The following SPTBN1 variants were observed in gnomAD, a reference collection of about 807,000 sequenced individuals.
SPTBN1 encodes the protein spectrin beta, non-erythrocytic 1.
A neutral mutation model predicts 266.4 loss-of-function variants in SPTBN1; 32 were observed. The ratio of observed to expected loss-of-function variants is 0.12; its 90% confidence interval spans 0.09 to 0.16. SPTBN1 has a LOEUF of 0.16. Among genes scored for constraint, SPTBN1 ranks in the 10% least tolerant of loss-of-function variants. The probability of loss-of-function intolerance (pLI) is 1.00; values close to 1 mark genes in which losing one functional copy is unlikely to be tolerated. For missense variants in SPTBN1, 2,296 were observed against 3,067.1 expected (o/e 0.75, Z 5.94); for synonymous variants, 1,336 against 1,162.2 (o/e 1.15, Z -3.04).
chr2:54,619,137 T>C (rs1286835438), intron 7 of SPTBN1, among the ~76,000 whole-genome samples: 1 of 152,182 alleles, frequency 6.6e-6, no homozygotes, highest in Non-Finnish European at 1.5e-5. Context: ...TTCTTTTAAA[T>C]ATAGAACAGG....
At chr2:54,529,266 C>G (rs955263638) in intron 2 of SPTBN1, 1 of 418,634 alleles carries the variant, frequency 2.4e-6, no homozygotes, top group Non-Finnish European at 4.6e-6. Flanking sequence ...TCATCTGGAC[C>G]GAGCTAAAGT....
At chr2:54,591,568 T>G (rs1675684999) in intron 2 of SPTBN1, among the ~76,000 whole-genome samples, 1 of 152,228 alleles carries the variant, frequency 6.6e-6, no homozygotes, top group South Asian at 2.1e-4. Context: ...AATTCAGTCT[T>G]TAGGGGAACA....
In SPTBN1 at chr2:54,660,262, C is replaced by T. The variant is rs377291070; in HGVS notation, c.6420+263C>T. On this transcript the variant is annotated intron_variant, in intron 32 of 35. Coordinates refer to ENST00000356805, the MANE Select transcript of SPTBN1 (RefSeq NM_003128.3). ...TCTTAACTGATGGATGCCCACTTGC[C>T]TTAAAGCAGCATACTTATTTTTTGT... 4.7e-5 allele frequency: 63 copies of T among 1,326,436 alleles called. No homozygotes were observed. In the East Asian group the frequency reaches 1.6e-3, roughly 33 times the overall value. The allele number at this position is 1,326,436 out of a possible 1,614,324, so 82.2% of individuals were successfully genotyped here. A position where few individuals can be genotyped will look rare whatever the true frequency, so the allele number is the denominator to read the frequency against.
At chr2:54,659,699 C>T (rs1024300131) in intron 31 of SPTBN1, among the ~76,000 whole-genome samples, 2 of 152,160 alleles carry the variant, frequency 1.3e-5, no homozygotes, top group Non-Finnish European at 2.9e-5. Context: ...AGTTCCATGG[C>T]AACCTCTAAT....
intron 2 of SPTBN1, among the ~76,000 whole-genome samples, chr2:54,580,672 G>T (rs1170755549): frequency 2.6e-5 from 4 of 152,042 alleles, no homozygotes; most frequent in Admixed American, 6.5e-5. Flanking sequence ...CTTACTGCTG[G>T]TAACTAGTTA....
chr2:54,464,763 C>T (rs917279796), intron 1 of SPTBN1, among the ~76,000 whole-genome samples: 5 of 152,134 alleles, frequency 3.3e-5, no homozygotes, highest in Non-Finnish European at 7.3e-5. Context: ...GAACATGGCT[C>T]ACTGCAGCCT....
intron 18 of SPTBN1, 80 bp from the exon 19 acceptor site, chr2:54,642,903 C>T: frequency 6.5e-7 from 1 of 1,532,806 alleles, no homozygotes; most frequent in Non-Finnish European, 8.8e-7. Context: ...CATAATATGA[C>T]ATAAACACAA....
intron 3 of SPTBN1, among the ~76,000 whole-genome samples, chr2:54,608,965 G>A (rs908203585): frequency 2.0e-5 from 3 of 152,168 alleles, no homozygotes; most frequent in African/African-American, 7.2e-5. Context: ...TCATTAAGTG[G>A]AAGTGGATCA....
intron 2 of SPTBN1, chr2:54,557,837 C>G: frequency 1.0e-6 from 1 of 985,432 alleles, no homozygotes; most frequent in South Asian, 4.7e-5. Flanking sequence ...TTACACCTCC[C>G]CTGGCTGTGG....
At chr2:54,546,874 T>C (rs954735627) in intron 2 of SPTBN1, among the ~76,000 whole-genome samples, 3 of 150,016 alleles carry the variant, frequency 2.0e-5, no homozygotes, top group Non-Finnish European at 3.0e-5. Flanking sequence ...TGTGGCTTTA[T>C]AGATCTGCTG....
intron 1 of SPTBN1, among the ~76,000 whole-genome samples, chr2:54,504,769 T>TA (rs1246960264): frequency 7.9e-5 from 12 of 152,166 alleles, no homozygotes; most frequent in Non-Finnish European, 1.2e-4. Context: ...GTTTTTTTTT[T>TA]AATAAGCAAA....
chr2:54,633,861 TC>T (rs1455902252), intron 17 of SPTBN1, among the ~76,000 whole-genome samples: 1 of 152,198 alleles, frequency 6.6e-6, no homozygotes, highest in African/African-American at 2.4e-5. Context: ...CTTTACCACT[TC>T]CAATCTTTTT....
intron 2 of SPTBN1, chr2:54,545,516 A>G (rs1485131698): frequency 6.6e-6 from 1 of 152,264 alleles, no homozygotes; most frequent in African/African-American, 2.4e-5. Flanking sequence ...TTATTTAACA[A>G]GCCTACTATT....
At chr2:54,575,732 T>C (rs566046989) in intron 2 of SPTBN1, among the ~76,000 whole-genome samples, 1 of 152,230 alleles carries the variant, frequency 6.6e-6, no homozygotes, top group Non-Finnish European at 1.5e-5. Context: ...AATTAAGCAG[T>C]GACTCAGTGG....
At chr2:54,566,537 A>T (rs1033642083) in intron 2 of SPTBN1, among the ~76,000 whole-genome samples, 2 of 152,006 alleles carry the variant, frequency 1.3e-5, no homozygotes, top group African/African-American at 4.8e-5. Flanking sequence ...GCATTGACTT[A>T]AAAGTTTGAC....
chr2:54,457,160 C>CT, intron 1 of SPTBN1: 1 of 135,026 alleles, frequency 7.4e-6, no homozygotes, highest in Non-Finnish European at 1.6e-5. Context: ...CCCGCCCCCC[C>CT]CCCGCCCTTT....
chr2:54,625,960 T>G lies in SPTBN1; in HGVS notation c.1370T>G (p.Val457Gly). The G allele has an allele frequency of 6.2e-7, 1 of 1,614,050 alleles. No individual in the cohort carries two copies. Among genetic ancestry groups the G allele is most frequent in the Non-Finnish European group, 8.5e-7 (1 of 1,179,892 alleles). Residue 457 changes from valine (V) to glycine (G), a missense_variant, in exon 12 of 36, where the codon GTT (valine) becomes GGT (glycine). By Grantham distance (109) the Val-to-Gly change is moderately radical. Around this residue, in one of 12 missense-constraint regions of SPTBN1, gnomAD observed 148 missense variants for 203.8 expected, o/e 0.73. Coordinates refer to ENST00000356805, the MANE Select transcript of SPTBN1 (RefSeq NM_003128.3). Reference protein sequence around the residue: ...QDNFGFDLPAVEAATKKHEAI... With the variant: ...QDNFGFDLPAGEAATKKHEAI... ...AACTTTGGGTTTGACCTTCCTGCAGTTGAGGCCGCCACAAAAAAGCACGAG... is the reference window on the plus strand; with the variant it reads ...AACTTTGGGTTTGACCTTCCTGCAGGTGAGGCCGCCACAAAAAAGCACGAG...
chr2:54,662,111 T>C (rs1034537701), intron 32 of SPTBN1: 1 of 985,368 alleles, frequency 1.0e-6, no homozygotes, highest in South Asian at 4.7e-5. Context: ...GTATCTCGGG[T>C]GTGCCCAGCC....
At position 54,665,125 on chromosome 2, in the gene SPTBN1, C is replaced by T. The variant is rs72806652; in HGVS notation, c.6659+434C>T. On this transcript the variant is annotated intron_variant, in intron 33 of 35. Coordinates refer to ENST00000356805, the MANE Select transcript of SPTBN1 (RefSeq NM_003128.3). ...ATTTTTTTATTTAACAGATGGGGAACAGAGGCTCTGAGCGGTTAACAAAGC... is the reference window on the plus strand; with the variant it reads ...ATTTTTTTATTTAACAGATGGGGAATAGAGGCTCTGAGCGGTTAACAAAGC... Among the ~76,000 whole-genome samples the T allele has an allele frequency of 2.9e-3, 443 of 152,266 alleles. 1 individual carries two copies. The highest frequency in any genetic ancestry group is 6.8e-3 in the Middle Eastern group (2 of 294).
Sources: allele counts gnomAD v4.1 joint callset (sites outside exome capture counted in the v4.1 genomes callset), GRCh38; gene constraint gnomAD v4.1.1; regional missense constraint gnomAD v4.1.1; transcripts MANE v1.5; gene names NCBI Gene and HGNC (gene_info 2026-07-23, HGNC 2026-07-21).